Variants in OTOGL observed in about 807,000 individuals in gnomAD.
OTOGL encodes otogelin-like protein.
OTOGL carries 285 observed loss-of-function variants against 318.5 expected under a neutral mutation model. That is an observed-to-expected ratio of 0.89 (90% CI 0.81 to 0.99). The LOEUF is 0.99. OTOGL is among the 50% of genes least tolerant of loss of function. OTOGL has a pLI of 0.00. For synonymous variants in OTOGL, 987 were observed against 936.5 expected (o/e 1.05, Z -0.99); for missense variants, 2,899 against 2,845.6 (o/e 1.02, Z -0.43).
chr12:80,309,687 G>GGGTGGA (rs932947591), intron 29 of OTOGL, among the ~76,000 whole-genome samples: 5 of 152,306 alleles, frequency 3.3e-5, no homozygotes, highest in Admixed American at 6.5e-5. Flanking sequence ...CTGGCTTCCT[G>GGGTGGA]GGTGGATACT....
At position 80,367,687 on chromosome 12, in the gene OTOGL, G is replaced by C. The variant is rs763394134; in HGVS notation, c.6458G>C (p.Gly2153Ala). The C allele has an allele frequency of 6.8e-7, 1 of 1,466,744 alleles. No homozygotes were observed. Among genetic ancestry groups the C allele is most frequent in the Non-Finnish European group, 9.0e-7 (1 of 1,105,720 alleles). 90.9% of individuals were successfully genotyped at this position (1,466,744 alleles called of 1,614,324 possible). A position where few individuals can be genotyped will look rare whatever the true frequency, so the allele number is the denominator to read the frequency against. The change falls in exon 54 of 59, where the codon GGC becomes GCC. Residue 2153 changes from glycine (G) to alanine (A), a missense_variant. Gly to Ala is a moderately conservative substitution (Grantham distance 60). This residue lies in a region of OTOGL where 289 missense variants were observed against 304.6 expected (regional missense o/e 0.95). Transcript: ENST00000547103. ...CTGGAAGAAAAAGATAACCATACGGGCTTTCACACTCTGAATTTTACACTG... is the reference window on the plus strand; with the variant it reads ...CTGGAAGAAAAAGATAACCATACGGCCTTTCACACTCTGAATTTTACACTG... ...ECLEEKDNHT[G>A]FHTLNFTLVN...
intron 11 of OTOGL, among the ~76,000 whole-genome samples, chr12:80,246,164 T>G (rs1420509206): frequency 6.6e-6 from 1 of 151,066 alleles, no homozygotes; most frequent in Non-Finnish European, 1.5e-5. Context: ...TTCCTTCTCC[T>G]GCCTGATTGC....
intron 26 of OTOGL, among the ~76,000 whole-genome samples, chr12:80,287,304 G>A (rs1884706958): frequency 1.3e-5 from 2 of 151,678 alleles, no homozygotes; most frequent in Non-Finnish European, 2.9e-5. Context: ...GCTGAGGAGT[G>A]TTTTACTTCC....
chr12:80,258,100 T>C, intron 18 of OTOGL, 98 bp downstream of exon 18: 1 of 1,071,248 alleles, frequency 9.3e-7, no homozygotes, highest in Non-Finnish European at 1.3e-6. Flanking sequence ...ATTGCTTAGC[T>C]GTCATTATCC....
At chr12:80,286,800 T>C (rs893191082) in intron 26 of OTOGL, among the ~76,000 whole-genome samples, 9 of 152,194 alleles carry the variant, frequency 5.9e-5, no homozygotes, top group Non-Finnish European at 1.0e-4. Context: ...TTAGTCTGGC[T>C]AGTGGTCTGT....
intron 7 of OTOGL, among the ~76,000 whole-genome samples, chr12:80,226,133 G>A (rs1330934752): frequency 5.9e-5 from 8 of 136,702 alleles, no homozygotes; most frequent in East Asian, 2.3e-4. Flanking sequence ...TTCCTGTTAC[G>A]GAAAATGAGA....
At chr12:80,251,570 C>A in intron 11 of OTOGL, 123 bp from the exon 12 acceptor site, 2 of 665,794 alleles carry the variant, frequency 3.0e-6, no homozygotes. Context: ...GACACATATG[C>A]TGACATCAAT....
At chr12:80,099,993 A>G (rs1869040727) in intron 1 of OTOGL, among the ~76,000 whole-genome samples, 1 of 152,190 alleles carries the variant, frequency 6.6e-6, no homozygotes, top group South Asian at 2.1e-4. Flanking sequence ...GAAATAATTC[A>G]TTAACTGAAA....
At chr12:80,206,883 A>G (rs999090055) in intron 1 of OTOGL, among the ~76,000 whole-genome samples, 1 of 152,218 alleles carries the variant, frequency 6.6e-6, no homozygotes, top group African/African-American at 2.4e-5. Context: ...TCATAAAAAC[A>G]TCAAATAATA....
At chr12:80,301,664 A>T (rs1336600358) in intron 27 of OTOGL, among the ~76,000 whole-genome samples, 1 of 151,788 alleles carries the variant, frequency 6.6e-6, no homozygotes, top group African/African-American at 2.4e-5. Context: ...CTTGCAGATC[A>T]GTTCACACCC....
intron 4 of OTOGL, 21 bp downstream of exon 4, chr12:80,212,018 A>G: frequency 6.5e-7 from 1 of 1,545,820 alleles, no homozygotes; most frequent in South Asian, 1.2e-5. Flanking sequence ...CTTCAGGTGG[A>G]GAGAGAGGCA....
chr12:80,149,090 C>A (rs1431096112), intron 1 of OTOGL, among the ~76,000 whole-genome samples: 1 of 152,208 alleles, frequency 6.6e-6, no homozygotes, highest in Non-Finnish European at 1.5e-5. Flanking sequence ...TGTTCCATTG[C>A]TGGTGAGGAA....
At chr12:80,102,883 C>T (rs965270742) in intron 1 of OTOGL, 4 of 780,084 alleles carry the variant, frequency 5.1e-6, no homozygotes, top group African/African-American at 3.4e-5. Context: ...TTAATCAAAG[C>T]TTGTATATAA....
chr12:80,200,569 CT>C (rs1876387317), intron 1 of OTOGL, among the ~76,000 whole-genome samples: 1 of 152,160 alleles, frequency 6.6e-6, no homozygotes, highest in African/African-American at 2.4e-5. Flanking sequence ...ATTTTACAAG[CT>C]CAAATATATT....
chr12:80,229,203 A>G, intron 7 of OTOGL, 54 bp from the exon 8 acceptor site: 1 of 1,548,790 alleles, frequency 6.5e-7, no homozygotes, highest in Non-Finnish European at 8.8e-7. Context: ...TGGTTTTAAT[A>G]ACTCAGATTT....
At chr12:80,372,268 A>G (rs1592455069) in intron 57 of OTOGL, among the ~76,000 whole-genome samples, 1 of 152,224 alleles carries the variant, frequency 6.6e-6, no homozygotes, top group Non-Finnish European at 1.5e-5. Context: ...TTTGTATCAT[A>G]TGGTTAATAA....
At chr12:80,249,390 A>T (rs1437453331) in intron 11 of OTOGL, among the ~76,000 whole-genome samples, 1 of 151,022 alleles carries the variant, frequency 6.6e-6, no homozygotes, top group East Asian at 1.9e-4. Flanking sequence ...AACAGACAGG[A>T]CCCTCAGCTG....
chr12:80,130,946 A>G (rs1592478027), intron 1 of OTOGL: 1 of 152,218 alleles, frequency 6.6e-6, no homozygotes, highest in East Asian at 1.9e-4. Context: ...AATGGAAGCA[A>G]ACACTGGCTA....
chr12:80,113,466 G>A (rs775836005), intron 1 of OTOGL, among the ~76,000 whole-genome samples: 3 of 151,898 alleles, frequency 2.0e-5, no homozygotes, highest in Admixed American at 6.6e-5. Flanking sequence ...TTTTCTCATT[G>A]GTTTCAAGTA....
Sources: gnomAD v4.1 joint callset for allele counts (sites outside exome capture counted in the v4.1 genomes callset) on GRCh38, gnomAD v4.1.1 for gene constraint, gnomAD v4.1.1 regional missense constraint, MANE v1.5 for transcripts, NCBI Gene and HGNC (gene_info 2026-07-23, HGNC 2026-07-21) for gene names.